Variants in MAPT observed in about 807,000 individuals in gnomAD.
MAPT encodes microtubule associated protein tau.
MAPT carries 34 observed loss-of-function variants against 67.9 expected under a neutral mutation model. That is an observed-to-expected ratio of 0.50 (90% CI 0.38 to 0.67). The LOEUF (loss-of-function observed/expected upper bound fraction) is 0.67. Among genes scored for constraint, MAPT ranks in the 30% least tolerant of loss-of-function variants. MAPT has a pLI of 0.00. For synonymous variants in MAPT, 456 were observed against 464.5 expected (o/e 0.98, Z 0.23); for missense variants, 881 against 1,115.2 (o/e 0.79, Z 2.99).
rs1161809562 is a variant in MAPT, at chr17:45,991,436, C to T, written c.1606-24C>T. 1.9e-6 allele frequency: 3 copies of T among 1,614,002 alleles called. No individual in the cohort carries two copies. The African/African-American group carries it at 4.0e-5, about 22-fold the overall frequency. On this transcript the variant is annotated intron_variant, in intron 7 of 12. Coordinates refer to ENST00000262410, the MANE Select transcript of MAPT (RefSeq NM_001377265.1). ...GTAACTTTTCCCAATGGTGAAAAAC[C>T]CCTCTATCATGTTTCATTTACAGGG...
chr17:45,937,163 C>G (rs1267607180), intron 1 of MAPT, among the ~76,000 whole-genome samples: 1 of 152,222 alleles, frequency 6.6e-6, no homozygotes, highest in African/African-American at 2.4e-5. Flanking sequence ...TGTACCCCCA[C>G]TGTTGCACTG....
chr17:45,930,614 C>T (rs1195457469), intron 1 of MAPT, among the ~76,000 whole-genome samples: 1 of 152,170 alleles, frequency 6.6e-6, no homozygotes, highest in African/African-American at 2.4e-5. Flanking sequence ...ATTACAGAAA[C>T]AGAATTTGAA....
intron 2 of MAPT, among the ~76,000 whole-genome samples, chr17:45,967,198 C>T (rs143126251): frequency 2.8e-4 from 42 of 152,326 alleles, no homozygotes; most frequent in Middle Eastern, 6.8e-3. Flanking sequence ...TAAACTAGTG[C>T]ACCCTAATGA....
intron 1 of MAPT, among the ~76,000 whole-genome samples, chr17:45,938,004 AG>A (rs2067507832): frequency 6.6e-6 from 1 of 152,248 alleles, no homozygotes; most frequent in South Asian, 2.1e-4. Flanking sequence ...GCCACACAGC[AG>A]GTGCGCCATC....
At chr17:45,968,212 A>C (rs1399823124) in intron 2 of MAPT, among the ~76,000 whole-genome samples, 1 of 152,046 alleles carries the variant, frequency 6.6e-6, no homozygotes, top group Non-Finnish European at 1.5e-5. Context: ...AAAACAACAA[A>C]AAAAAACCCC....
Position 45,915,838 on chromosome 17 carries a change from G to T in MAPT, c.-18+21152G>T, listed in dbSNP as rs1196101574. Among the ~76,000 whole-genome samples the T allele has an allele frequency of 2.0e-5, 3 of 152,134 alleles. No individual in the cohort carries two copies. Among genetic ancestry groups the T allele is most frequent in the Non-Finnish European group, 4.4e-5 (3 of 68,024 alleles). ...CGGTGGACATGTTCCCTGAGGTGAGGCTGACTGATGTCATTTGACGATCTT... is the reference window on the plus strand; with the variant it reads ...CGGTGGACATGTTCCCTGAGGTGAGTCTGACTGATGTCATTTGACGATCTT... On this transcript the variant is annotated intron_variant, in intron 1 of 12. Coordinates refer to ENST00000262410, the MANE Select transcript of MAPT (RefSeq NM_001377265.1). The surrounding 1 kb of genome is among the most constrained non-coding windows in gnomAD (Gnocchi z 4.4).
chr17:45,972,126 G>C, intron 3 of MAPT, 181 bp downstream of exon 3: 3 of 700,490 alleles, frequency 4.3e-6, no homozygotes, highest in Non-Finnish European at 7.8e-6. Flanking sequence ...TGCTGGTGCT[G>C]AGTGTGGGCA....
chr17:45,960,869 C>G (rs1488990832), intron 1 of MAPT, among the ~76,000 whole-genome samples: 1 of 151,070 alleles, frequency 6.6e-6, no homozygotes, highest in Non-Finnish European at 1.5e-5. Flanking sequence ...TTCAGGCCTC[C>G]TATAGCCATG....
intron 1 of MAPT, among the ~76,000 whole-genome samples, chr17:45,934,867 T>C (rs1365842187): frequency 1.3e-5 from 2 of 150,834 alleles, no homozygotes. Context: ...ACCCTGGACC[T>C]ATGGCCTTTT....
rs1598382253 is a variant in MAPT, at chr17:46,010,916, T to C, written c.2091+514T>C. Among the ~76,000 whole-genome samples the C allele has an allele frequency of 6.6e-6, 1 of 152,332 alleles. No individual in the cohort carries two copies. The highest frequency in any genetic ancestry group is 3.4e-3 in the Middle Eastern group (1 of 294). ...TGATGAGCGGACACCAAGGTCTTAC[T>C]GTCCTGCTCAGCTGCTGCTCCTACA... is the stretch of plus-strand genomic sequence containing the variant. On this transcript the variant is annotated intron_variant, in intron 10 of 12. Transcript: ENST00000262410. This position sits in a 1 kb window ranked among gnomAD's most constrained non-coding sequence, Gnocchi z 4.7.
Position 45,971,344 on chromosome 17 carries a change from A to G in MAPT, c.134-515A>G, listed in dbSNP as rs547821934. ...TCCATCAGTCCTTGGAGGTCTTTCT[A>G]TGAAAGGAGCTTGGTGGCGTCCAAA... On this transcript the variant is annotated intron_variant, in intron 2 of 12. Coordinates refer to ENST00000262410, the MANE Select transcript of MAPT (RefSeq NM_001377265.1). The surrounding 1 kb of genome is among the most constrained non-coding windows in gnomAD (Gnocchi z 4.3). Among the ~76,000 whole-genome samples, 1 of 152,324 alleles carries G rather than the reference A, an allele frequency of 6.6e-6. No homozygotes were observed. The highest frequency in any genetic ancestry group is 2.4e-5 in the African/African-American group (1 of 41,572).
intron 9 of MAPT, among the ~76,000 whole-genome samples, chr17:45,998,387 C>T (rs908722668): frequency 1.3e-5 from 2 of 152,192 alleles, no homozygotes; most frequent in Non-Finnish European, 2.9e-5. Context: ...AGAGTCCCTG[C>T]GTGCCAGGCG....
intron 1 of MAPT, among the ~76,000 whole-genome samples, chr17:45,900,735 T>C (rs73313186): frequency 5.8e-4 from 88 of 152,286 alleles, no homozygotes; most frequent in Admixed American, 4.5e-3. Context: ...TAGGCTCTGA[T>C]CGGGCCTCCT....
Position 45,983,982 on chromosome 17 carries a change from C to T in MAPT, c.1351+52C>T, listed in dbSNP as rs374352873. 1,487 of 1,412,288 alleles carry T rather than the reference C, an allele frequency of 1.1e-3. 23 individuals carry two copies. Among genetic ancestry groups the T allele is most frequent in the South Asian group, 9.8e-3 (709 of 72,224 alleles). The allele number at this position is 1,412,288 out of a possible 1,614,324, so 87.5% of individuals were successfully genotyped here. ...TTCCCTGGGGACCTCCCAGGCCTCC[C>T]AGGCTGCGGGCACTGCCACTGAGCT... On this transcript the variant is annotated intron_variant, in intron 5 of 12. Transcript: ENST00000262410.
In MAPT at chr17:46,025,133, T is replaced by C. The variant is rs1043219910; in HGVS notation, c.*962T>C. The stretch of plus-strand genomic sequence containing the variant: ...GTTCTGAAGGTTGGAACTGCTGCCA[T>C]GATTTTGGCCACTTTGCAGACCTGG... On this transcript the variant is annotated 3_prime_UTR_variant, in exon 13 of 13. Coordinates refer to ENST00000262410, the MANE Select transcript of MAPT (RefSeq NM_001377265.1). 2.0e-5 allele frequency: 3 copies of C among 152,618 alleles called. No homozygotes were observed. The highest frequency in any genetic ancestry group is 7.2e-5 in the African/African-American group (3 of 41,458). The allele number at this position is 152,618 out of a possible 1,614,324, so 9.5% of individuals were successfully genotyped here.
chr17:45,910,065 T>G (rs2064651157), intron 1 of MAPT, among the ~76,000 whole-genome samples: 1 of 151,856 alleles, frequency 6.6e-6, no homozygotes, highest in Admixed American at 6.6e-5. Flanking sequence ...TAAATCTGAG[T>G]CACTTTAATA....
intron 1 of MAPT, among the ~76,000 whole-genome samples, chr17:45,917,170 G>A (rs2065270293): frequency 1.3e-5 from 2 of 152,188 alleles, no homozygotes; most frequent in African/African-American, 4.8e-5. Flanking sequence ...GCAGCCTCCT[G>A]CCCAACTCCT....
chr17:46,006,223 G>A (rs1438459489), intron 9 of MAPT, among the ~76,000 whole-genome samples: 2 of 152,206 alleles, frequency 1.3e-5, no homozygotes, highest in Non-Finnish European at 2.9e-5. Context: ...TAAAGAAAAT[G>A]TGGTGCATAT....
At chr17:45,911,763 CA>C (rs66760063) in intron 1 of MAPT, among the ~76,000 whole-genome samples, 21,775 of 151,244 alleles carry the variant, frequency 0.14, 2,127 homozygotes, top group Middle Eastern at 0.22. Flanking sequence ...GACCTGCTCT[CA>C]AAAAAACAAA....
Sources: gnomAD v4.1 joint callset for allele counts (sites outside exome capture counted in the v4.1 genomes callset) on GRCh38, gnomAD v4.1.1 for gene constraint, Gnocchi (gnomAD v3.1) non-coding constraint, MANE v1.5 for transcripts, NCBI Gene and HGNC (gene_info 2026-07-23, HGNC 2026-07-21) for gene names.